CLSTN2: variants seen among roughly 807,000 people sequenced by gnomAD.
CLSTN2 encodes the protein calsyntenin-2.
A neutral mutation model predicts 101.2 loss-of-function variants in CLSTN2; 48 were observed. That is an observed-to-expected ratio of 0.47 (90% CI 0.38 to 0.60). The LOEUF (loss-of-function observed/expected upper bound fraction) is 0.60, where lower values mean the gene tolerates loss of function less well. Among genes scored for constraint, CLSTN2 ranks in the 20% least tolerant of loss-of-function variants. The pLI is 0.00. For synonymous variants in CLSTN2, 481 were observed against 463.6 expected (o/e 1.04, Z -0.48); for missense variants, 1,160 against 1,238.2 (o/e 0.94, Z 0.95).
intron 2 of CLSTN2, among the ~76,000 whole-genome samples, chr3:140,255,435 G>A (rs930023108): frequency 6.6e-6 from 1 of 152,174 alleles, no homozygotes; most frequent in Non-Finnish European, 1.5e-5. Context: ...TAAAGAAAAT[G>A]TGGTACATAT....
At chr3:140,495,705 A>G (rs1353460175) in intron 8 of CLSTN2, among the ~76,000 whole-genome samples, 2 of 152,194 alleles carry the variant, frequency 1.3e-5, no homozygotes, top group African/African-American at 2.4e-5. Context: ...TTCCAGCACC[A>G]TTTATTAAAT....
At chr3:140,323,433 C>T (rs563833862) in intron 2 of CLSTN2, among the ~76,000 whole-genome samples, 63 of 152,338 alleles carry the variant, frequency 4.1e-4, no homozygotes, top group African/African-American at 1.5e-3. Context: ...ACATGCACAT[C>T]TCAACAAAGG....
At chr3:140,224,223 C>T (rs2086299904) in intron 2 of CLSTN2, among the ~76,000 whole-genome samples, 1 of 152,162 alleles carries the variant, frequency 6.6e-6, no homozygotes, top group Non-Finnish European at 1.5e-5. Context: ...ATTTGTGTGA[C>T]CAATGGCGAA....
At chr3:140,291,245 C>T (rs892993511) in intron 2 of CLSTN2, among the ~76,000 whole-genome samples, 3 of 152,132 alleles carry the variant, frequency 2.0e-5, no homozygotes, top group Non-Finnish European at 2.9e-5. Context: ...TATTACTCTC[C>T]AATGCCTTGC....
At chr3:140,365,883 A>C (rs2107953300) in intron 2 of CLSTN2, among the ~76,000 whole-genome samples, 1 of 152,332 alleles carries the variant, frequency 6.6e-6, no homozygotes, top group South Asian at 2.1e-4. Flanking sequence ...GAACAACCCC[A>C]CACCCTGAGC....
At chr3:140,305,023 G>C (rs991372446) in intron 2 of CLSTN2, among the ~76,000 whole-genome samples, 87 of 143,166 alleles carry the variant, frequency 6.1e-4, no homozygotes, top group Admixed American at 2.4e-3. Context: ...CACACACAGA[G>C]ACACACACAC....
chr3:140,470,428 G>A (rs962008254), intron 8 of CLSTN2, among the ~76,000 whole-genome samples: 7 of 152,236 alleles, frequency 4.6e-5, no homozygotes, highest in Non-Finnish European at 1.5e-5. Flanking sequence ...CAAGGAATGT[G>A]GAGTTCTCTG....
intron 1 of CLSTN2, among the ~76,000 whole-genome samples, chr3:140,134,774 G>C (rs1459687289): frequency 3.9e-5 from 6 of 152,042 alleles, no homozygotes; most frequent in Non-Finnish European, 7.4e-5. Flanking sequence ...GGAGGGAGCA[G>C]CTGTCACTTA....
chr3:140,374,955 A>G (rs958480012), intron 2 of CLSTN2, among the ~76,000 whole-genome samples: 10 of 152,216 alleles, frequency 6.6e-5, no homozygotes, highest in African/African-American at 2.4e-4. Flanking sequence ...AAGCCTTTGC[A>G]TTTTGCAGAA....
chr3:140,512,088 T>C (rs145114340), intron 8 of CLSTN2, among the ~76,000 whole-genome samples: 6 of 152,208 alleles, frequency 3.9e-5, no homozygotes, highest in Non-Finnish European at 8.8e-5. Flanking sequence ...TCTGTAGGTT[T>C]TCTGTTCACT....
intron 8 of CLSTN2, among the ~76,000 whole-genome samples, chr3:140,524,806 A>G (rs961557234): frequency 1.3e-5 from 2 of 152,234 alleles, no homozygotes; most frequent in Admixed American, 1.3e-4. Flanking sequence ...TCAAAACTGC[A>G]TGAAAACATG....
At chr3:139,954,022 A>G (rs1935344538) in intron 1 of CLSTN2, among the ~76,000 whole-genome samples, 1 of 151,592 alleles carries the variant, frequency 6.6e-6, no homozygotes, top group Non-Finnish European at 1.5e-5. Context: ...GGTTTGTTAT[A>G]TGGGTAAATT....
At chr3:140,029,165 T>C (rs1028856270) in intron 1 of CLSTN2, among the ~76,000 whole-genome samples, 2 of 152,096 alleles carry the variant, frequency 1.3e-5, no homozygotes, top group African/African-American at 4.8e-5. Flanking sequence ...CCAAAACCTA[T>C]CAAATGATCC....
intron 2 of CLSTN2, among the ~76,000 whole-genome samples, chr3:140,278,836 C>T (rs2086819156): frequency 6.6e-6 from 1 of 152,152 alleles, no homozygotes; most frequent in Non-Finnish European, 1.5e-5. Flanking sequence ...CTTCCCACCT[C>T]ATCCTTCTGA....
At chr3:140,495,354 G>A (rs114953197) in intron 8 of CLSTN2, among the ~76,000 whole-genome samples, 1 of 151,984 alleles carries the variant, frequency 6.6e-6, no homozygotes, top group Non-Finnish European at 1.5e-5. Context: ...TGTAGGCTCT[G>A]GGTATTAGAC....
At chr3:140,156,789 C>T (rs1056151676) in intron 1 of CLSTN2, among the ~76,000 whole-genome samples, 3 of 152,206 alleles carry the variant, frequency 2.0e-5, no homozygotes, top group Non-Finnish European at 4.4e-5. Flanking sequence ...CTTCCTCTCC[C>T]CTCCACTGGG....
chr3:140,329,902 T>A (rs1229902137), intron 2 of CLSTN2, among the ~76,000 whole-genome samples: 1 of 152,226 alleles, frequency 6.6e-6, no homozygotes, highest in African/African-American at 2.4e-5. Context: ...CAGGGCCAAG[T>A]TGGTGCCTTT....
chr3:140,403,696 A>G lies in CLSTN2; in HGVS notation c.300A>G (p.Thr100=), dbSNP rs775766435. 4 of 1,614,200 alleles carry G rather than the reference A, an allele frequency of 2.5e-6. No individual in the cohort carries two copies. The East Asian group carries it at 6.7e-5, about 27-fold the overall frequency. Reference sequence around the variant, plus strand: ...TTGAGGCTGTGGTGCTCAACAAGACATCAGGAGAGGGCCGGCTCCGTGCCA... The same window carrying G: ...TTGAGGCTGTGGTGCTCAACAAGACGTCAGGAGAGGGCCGGCTCCGTGCCA... ...LPFEAVVLNK[T]SGEGRLRAKS... is the part of the protein sequence containing the mutation. The change falls in exon 3 of 17, where the codon ACA becomes ACG. Residue 100 remains threonine (T), a synonymous_variant. Coordinates refer to ENST00000458420, the MANE Select transcript of CLSTN2 (RefSeq NM_022131.3).
intron 2 of CLSTN2, among the ~76,000 whole-genome samples, chr3:140,373,478 C>T (rs555984796): frequency 6.6e-6 from 1 of 152,332 alleles, no homozygotes; most frequent in East Asian, 1.9e-4. Flanking sequence ...CTGAGTGCTG[C>T]TCTGTGATGT....
Sources: gnomAD v4.1 joint callset for allele counts (sites outside exome capture counted in the v4.1 genomes callset) on GRCh38, gnomAD v4.1.1 for gene constraint, MANE v1.5 for transcripts, NCBI Gene and HGNC (gene_info 2026-07-23, HGNC 2026-07-21) for gene names.